The following GSE1 variants were observed in gnomAD, a reference collection of about 807,000 sequenced individuals.
The protein encoded by GSE1 is Gse1 coiled-coil protein.
A neutral mutation model predicts 112.6 loss-of-function variants in GSE1; 32 were observed. The ratio of observed to expected loss-of-function variants is 0.28; its 90% CI spans 0.21 to 0.38. GSE1 has a LOEUF of 0.38. Ranked by LOEUF, GSE1 falls within the 10% of genes least tolerant of loss-of-function variation. The pLI is 1.00. For missense variants in GSE1, 2,348 were observed against 1,699.2 expected (o/e 1.38, Z -6.71); for synonymous variants, 1,115 against 735.6 (o/e 1.52, Z -8.35).
At chr16:85,271,839 C>G (rs962040374) in intron 1 of GSE1, among the ~76,000 whole-genome samples, 1 of 152,194 alleles carries the variant, frequency 6.6e-6, no homozygotes. Flanking sequence ...CTTGGTGAAG[C>G]AATGGGTCAC....
intron 2 of GSE1, among the ~76,000 whole-genome samples, chr16:85,530,772 GTTCC>G (rs2044111370): frequency 6.6e-6 from 1 of 152,266 alleles, no homozygotes; most frequent in Admixed American, 6.5e-5. Context: ...CTGCATGGCA[GTTCC>G]TTCTGAGATA....
intron 2 of GSE1, among the ~76,000 whole-genome samples, chr16:85,647,963 G>A (rs2051020674): frequency 6.6e-6 from 1 of 151,986 alleles, no homozygotes; most frequent in African/African-American, 2.4e-5. Context: ...GCCCCCGGAG[G>A]GGGCGCCTTT....
intron 1 of GSE1, among the ~76,000 whole-genome samples, chr16:85,291,458 C>T (rs539409135): frequency 4.6e-5 from 7 of 152,338 alleles, no homozygotes; most frequent in South Asian, 4.1e-4. Context: ...GAGGGGACGC[C>T]GCCCTCCCCA....
upstream of GSE1, among the ~76,000 whole-genome samples, chr16:85,606,870 C>T (rs1025066830): frequency 6.6e-6 from 1 of 152,232 alleles, no homozygotes; most frequent in Non-Finnish European, 1.5e-5. Context: ...TTCTCTGCCC[C>T]CCATCAAGGG....
intron 1 of GSE1, among the ~76,000 whole-genome samples, chr16:85,177,361 C>T (rs1404506945): frequency 1.3e-5 from 2 of 152,230 alleles, no homozygotes; most frequent in East Asian, 3.8e-4. Context: ...TCAGGGCCCT[C>T]TTCCGCCTCA....
intron 2 of GSE1, among the ~76,000 whole-genome samples, chr16:85,393,482 C>A (rs770163091): frequency 3.7e-4 from 57 of 152,368 alleles, no homozygotes; most frequent in Non-Finnish European, 5.3e-4. Context: ...ACCCAGCACA[C>A]AGTAGGTGCC....
chr16:85,302,273 C>T (rs2045548493), intron 1 of GSE1, among the ~76,000 whole-genome samples: 1 of 152,090 alleles, frequency 6.6e-6, no homozygotes, highest in Non-Finnish European at 1.5e-5. Flanking sequence ...TAATTTAATC[C>T]GGGGTGACTC....
intron 3 of GSE1, among the ~76,000 whole-genome samples, chr16:85,651,927 G>C (rs2051392702): frequency 6.6e-6 from 1 of 152,224 alleles, no homozygotes; most frequent in Non-Finnish European, 1.5e-5. Context: ...GTCCATCCCA[G>C]ACCCTAGGAA....
At chr16:85,484,801 C>T (rs2050782001) in intron 2 of GSE1, among the ~76,000 whole-genome samples, 1 of 152,224 alleles carries the variant, frequency 6.6e-6, no homozygotes. Flanking sequence ...CTGGGGTGGC[C>T]CCTCTTCTGT....
intron 2 of GSE1, among the ~76,000 whole-genome samples, chr16:85,414,225 AG>A (rs2048652241): frequency 6.6e-6 from 1 of 152,184 alleles, no homozygotes; most frequent in South Asian, 2.1e-4. Context: ...GGGGGCATTT[AG>A]GGGACTTACT....
At chr16:85,221,060 G>A (rs2075382836) in intron 1 of GSE1, among the ~76,000 whole-genome samples, 2 of 151,834 alleles carry the variant, frequency 1.3e-5, no homozygotes, top group East Asian at 3.9e-4. Context: ...GAGACCCTGC[G>A]GCTGGGAAAA....
chr16:85,668,561 T>G, intron 14 of GSE1, 137 bp downstream of exon 14: 1 of 642,114 alleles, frequency 1.6e-6, no homozygotes. Context: ...ATATGAATAC[T>G]GGAAGTTTCT....
chr16:85,580,295 T>C (rs1175135279), intron 1 of GSE1: 1 of 152,338 alleles, frequency 6.6e-6, no homozygotes, highest in Non-Finnish European at 1.5e-5. Context: ...GAAAAGCGTG[T>C]AGGGAGAGGG....
chr16:85,371,939 C>A (rs900759), intron 2 of GSE1, among the ~76,000 whole-genome samples: 127,372 of 152,256 alleles, frequency 0.84, 54,654 homozygotes, highest in Middle Eastern at 0.94. Context: ...CCAGGCAGCC[C>A]TGGCTGAAGG....
At chr16:85,613,821 C>G (rs2048168436) in intron 1 of GSE1, among the ~76,000 whole-genome samples, 5 of 134,176 alleles carry the variant, frequency 3.7e-5, no homozygotes, top group African/African-American at 5.5e-5. Flanking sequence ...TGTGCGCCCC[C>G]GCGGCAGGTG....
rs376344387 is a variant in GSE1 at position 85,419,893 on chromosome 16, C to T, written c.2464+62250C>T. On this transcript the variant is annotated intron_variant, in intron 2 of 2. Transcript: ENST00000637419. The surrounding 1 kb of genome is among the most constrained non-coding windows in gnomAD (Gnocchi z 6.5). ...ACCACTGCTCTGGGAGGGTCAGAGT[C>T]GGGGGGACTGGGCTGGAACAGAACT... 1.9e-3 allele frequency among the ~76,000 whole-genome samples: 284 copies of T among 152,092 alleles called. 1 individual carries two copies. Among genetic ancestry groups the T allele is most frequent in the Middle Eastern group, 3.4e-3 (1 of 294 alleles).
intron 1 of GSE1, among the ~76,000 whole-genome samples, chr16:85,187,810 C>A (rs1258708908): frequency 6.6e-6 from 1 of 152,224 alleles, no homozygotes; most frequent in African/African-American, 2.4e-5. Context: ...GAGGGCCCTT[C>A]CTGTGGTCCA....
intron 1 of GSE1, among the ~76,000 whole-genome samples, chr16:85,189,464 A>G (rs551148322): frequency 6.6e-6 from 1 of 152,224 alleles, no homozygotes; most frequent in African/African-American, 2.4e-5. Flanking sequence ...ACTTGGCAAA[A>G]TCACAGCTGG....
At chr16:85,330,600 G>A (rs1235931870) in intron 1 of GSE1, among the ~76,000 whole-genome samples, 1 of 152,230 alleles carries the variant, frequency 6.6e-6, no homozygotes, top group East Asian at 1.9e-4. Flanking sequence ...CTGCCATGTC[G>A]TCTGCCTCTG....
Sources: allele counts gnomAD v4.1 joint callset (sites outside exome capture counted in the v4.1 genomes callset), GRCh38; gene constraint gnomAD v4.1.1; non-coding constraint Gnocchi (gnomAD v3.1); transcripts MANE v1.5; gene names NCBI Gene and HGNC (gene_info 2026-07-23, HGNC 2026-07-21).